NAV1: variants seen among roughly 807,000 people sequenced by gnomAD.
NAV1 encodes neuron navigator 1, also known as pore membrane and/or filament interacting like protein 3.
NAV1 carries 18 observed loss-of-function variants against 175.2 expected under a neutral mutation model. The ratio of observed to expected loss-of-function variants is 0.10; its 90% CI spans 0.07 to 0.15. The LOEUF (loss-of-function observed/expected upper bound fraction) is 0.15. NAV1 is among the 10% of genes least tolerant of loss of function. The probability of loss-of-function intolerance (pLI) is 1.00; values close to 1 mark genes in which losing one functional copy is unlikely to be tolerated. For synonymous variants in NAV1, 897 were observed against 978.7 expected (o/e 0.92, Z 1.56); for missense variants, 1,731 against 2,436.6 (o/e 0.71, Z 6.10).
chr1:201,543,323 A>AT (rs36025020), intron 1 of NAV1, among the ~76,000 whole-genome samples: 61,257 of 150,412 alleles, frequency 0.41, 14,470 homozygotes, highest in Non-Finnish European at 0.56. Flanking sequence ...TTTTCTAATC[A>AT]TTTTTTTTTA....
At chr1:201,769,023 G>A (rs983221850) in intron 3 of NAV1, among the ~76,000 whole-genome samples, 3 of 152,102 alleles carry the variant, frequency 2.0e-5, no homozygotes, top group African/African-American at 4.8e-5. Flanking sequence ...CTCTTCAAGA[G>A]GACAGATTAG....
At chr1:201,726,077 A>G (rs1672593920) in intron 3 of NAV1, among the ~76,000 whole-genome samples, 1 of 152,254 alleles carries the variant, frequency 6.6e-6, no homozygotes, top group Non-Finnish European at 1.5e-5. Context: ...TGAAGATAAT[A>G]TCTAACAATT....
chr1:201,601,053 C>G (rs1012650181), intron 2 of NAV1, among the ~76,000 whole-genome samples: 4 of 152,220 alleles, frequency 2.6e-5, no homozygotes, highest in Non-Finnish European at 5.9e-5. Flanking sequence ...AGCAGTCACC[C>G]GTCTCATCTA....
chr1:201,564,861 G>A (rs1228346457), intron 1 of NAV1, among the ~76,000 whole-genome samples: 1 of 152,148 alleles, frequency 6.6e-6, no homozygotes, highest in South Asian at 2.1e-4. Context: ...TTGGTGTGTG[G>A]CCCCTTTTTC....
chr1:201,739,697 G>GGCCACC (rs1673278021), intron 3 of NAV1: 1 of 958,576 alleles, frequency 1.0e-6, no homozygotes, highest in Non-Finnish European at 1.3e-6. Flanking sequence ...AGGCTTCCGA[G>GGCCACC]GCCACCGGAA....
At chr1:201,712,848 G>C in exon 2 of NAV1, 1 of 1,613,956 alleles carries the variant, frequency 6.2e-7, no homozygotes, top group Non-Finnish European at 8.5e-7. Context: ...GGACAGTGCA[G>C]AATGTCCTGG....
chr1:201,685,398 T>C (rs1407237717), intron 1 of NAV1, among the ~76,000 whole-genome samples: 1 of 152,228 alleles, frequency 6.6e-6, no homozygotes, highest in Non-Finnish European at 1.5e-5. Context: ...CCATCACAGA[T>C]GTGCAGGATT....
chr1:201,653,267 T>G (rs1025118490), intron 1 of NAV1, among the ~76,000 whole-genome samples: 7 of 152,184 alleles, frequency 4.6e-5, no homozygotes, highest in African/African-American at 1.7e-4. Flanking sequence ...TCCTTCCTTC[T>G]GTCCTCCAGG....
Position 201,745,146 on chromosome 1 carries a change from G to A in NAV1, c.1226+26391G>A, listed in dbSNP as rs376596769. 3.3e-5 allele frequency among the ~76,000 whole-genome samples: 5 copies of A among 152,176 alleles called. No homozygotes were observed. The East Asian group carries it at 9.6e-4, about 29-fold the overall frequency. On this transcript the variant is annotated intron_variant, in intron 3 of 29. Transcript: ENST00000367296. ...GATGCTTCAGGAATTTCCTAGAAAT[G>A]CTCAATTCTTGGACGTTTACATCTT...
At chr1:201,659,800 C>T (rs930958663) in intron 1 of NAV1, among the ~76,000 whole-genome samples, 6 of 152,162 alleles carry the variant, frequency 3.9e-5, no homozygotes, top group African/African-American at 1.4e-4. Flanking sequence ...GCCGGCTGCG[C>T]TGGGGTAGGA....
chr1:201,558,358 T>A (rs1484661172), intron 1 of NAV1, among the ~76,000 whole-genome samples: 21 of 152,220 alleles, frequency 1.4e-4, no homozygotes. Context: ...AGTGCTCAGA[T>A]AATGGTTAGT....
chr1:201,789,147 G>C (rs1463445856), intron 10 of NAV1, among the ~76,000 whole-genome samples: 2 of 152,178 alleles, frequency 1.3e-5, no homozygotes, highest in African/African-American at 2.4e-5. Context: ...AGAGCTAGAA[G>C]ACCAGGCTTA....
chr1:201,654,391 C>A (rs1669320593), intron 1 of NAV1, among the ~76,000 whole-genome samples: 1 of 148,406 alleles, frequency 6.7e-6, no homozygotes, highest in Admixed American at 6.7e-5. Flanking sequence ...ATGCCCACCC[C>A]CTACCTCCCA....
At position 201,787,915 on chromosome 1, in the gene NAV1, T is replaced by C. The variant is rs1676867202; in HGVS notation, c.2996-553T>C. ...CAAAGAGGGCCATGTTTCTTGATGC[T>C]TTAGCGCCAACCCAGTCACTCAGAG... On this transcript the variant is annotated intron_variant, in intron 9 of 29. Coordinates refer to ENST00000367296, the Ensembl canonical transcript of NAV1. The surrounding 1 kb of genome is among the most constrained non-coding windows in gnomAD (Gnocchi z 4.3). 2.9e-6 allele frequency: 1 copy of C among 344,774 alleles called. No individual in the cohort carries two copies. The highest frequency in any genetic ancestry group is 5.7e-6 in the Non-Finnish European group (1 of 173,914). 21.4% of individuals were successfully genotyped at this position (344,774 alleles called of 1,614,324 possible). A position where few individuals can be genotyped will look rare whatever the true frequency, so the allele number is the denominator to read the frequency against.
intron 1 of NAV1, among the ~76,000 whole-genome samples, chr1:201,565,882 T>C (rs1207740207): frequency 1.3e-5 from 2 of 152,026 alleles, no homozygotes; most frequent in South Asian, 2.1e-4. Flanking sequence ...ATTCCCCCAA[T>C]CCCTAGTCAC....
upstream of NAV1, chr1:201,648,223 G>A (rs1669042450): frequency 3.5e-5 from 35 of 1,006,928 alleles, no homozygotes; most frequent in South Asian, 9.3e-5. Flanking sequence ...GAGTGCGGCC[G>A]GGGCGCTGCC....
intron 1 of NAV1, among the ~76,000 whole-genome samples, chr1:201,653,352 A>C (rs1669279080): frequency 6.6e-6 from 1 of 152,208 alleles, no homozygotes; most frequent in Non-Finnish European, 1.5e-5. Flanking sequence ...TGGACTTCCT[A>C]GTCCCTCTTC....
Position 201,812,039 on chromosome 1 carries a change from G to T in NAV1, c.5024+65G>T. On this transcript the variant is annotated intron_variant, in intron 26 of 29. Transcript: ENST00000367296. The surrounding 1 kb of genome is among the most constrained non-coding windows in gnomAD (Gnocchi z 4.6). ...CAAGAGTCTTCAATCCTGGACTCTG[G>T]CCAGGAGGCAGTAGATAGGAGAAGG... 4 of 1,444,746 alleles carry T rather than the reference G, an allele frequency of 2.8e-6. No individual in the cohort carries two copies. The highest frequency in any genetic ancestry group is 3.9e-6 in the Non-Finnish European group (4 of 1,025,942). The allele number at this position is 1,444,746 out of a possible 1,614,324, so 89.5% of individuals were successfully genotyped here.
chr1:201,544,596 C>A (rs954315105), intron 1 of NAV1, among the ~76,000 whole-genome samples: 1 of 152,168 alleles, frequency 6.6e-6, no homozygotes, highest in Non-Finnish European at 1.5e-5. Context: ...ATTTGGACAG[C>A]TCTGTCTCTC....
Sources: allele counts gnomAD v4.1 joint callset (sites outside exome capture counted in the v4.1 genomes callset), GRCh38; gene constraint gnomAD v4.1.1; non-coding constraint Gnocchi (gnomAD v3.1); transcripts MANE v1.5; gene names NCBI Gene and HGNC (gene_info 2026-07-23, HGNC 2026-07-21).